CNBD1: variants seen among roughly 807,000 people sequenced by gnomAD.
CNBD1 encodes the protein cyclic nucleotide binding domain containing 1.
CNBD1 carries 71 observed loss-of-function variants against 54.4 expected under a neutral mutation model. The observed-to-expected ratio is 1.30, with a 90% CI of 1.08 to 1.59. The LOEUF (loss-of-function observed/expected upper bound fraction) is 1.59. Ranked by LOEUF, CNBD1 falls within the 40% of genes most tolerant of loss-of-function variation. The pLI, the probability that CNBD1 is intolerant of heterozygous loss-of-function variation, is 0.00. For missense variants in CNBD1, 659 were observed against 518.0 expected (o/e 1.27, Z -2.64); for synonymous variants, 182 against 170.7 (o/e 1.07, Z -0.51).
intron 4 of CNBD1, among the ~76,000 whole-genome samples, chr8:86,989,337 A>ATACT (rs1190314013): frequency 2.0e-5 from 3 of 152,046 alleles, no homozygotes; most frequent in African/African-American, 7.3e-5. Context: ...ACATACATAC[A>ATACT]TAGGTATGCA....
intron 4 of CNBD1, among the ~76,000 whole-genome samples, chr8:87,060,589 T>TTCAA (rs1328059387): frequency 2.0e-5 from 3 of 152,212 alleles, no homozygotes; most frequent in Non-Finnish European, 4.4e-5. Flanking sequence ...AGGCCCATTG[T>TTCAA]ATTGTGAAAG....
At chr8:86,963,078 G>A (rs369543681) in intron 4 of CNBD1, among the ~76,000 whole-genome samples, 71 of 152,210 alleles carry the variant, frequency 4.7e-4, no homozygotes, top group African/African-American at 1.6e-3. Context: ...TCTTCCTAGC[G>A]AATACCCGGG....
chr8:87,261,621 T>C (rs2130849203), intron 6 of CNBD1, among the ~76,000 whole-genome samples: 2 of 152,112 alleles, frequency 1.3e-5, no homozygotes, highest in East Asian at 3.9e-4. Flanking sequence ...ATTTGCCTTA[T>C]TTGAACAGAA....
At chr8:87,020,003 C>A (rs2453446) in intron 4 of CNBD1, among the ~76,000 whole-genome samples, 60,600 of 151,976 alleles carry the variant, frequency 0.4, 12,568 homozygotes, top group East Asian at 0.56. Context: ...TAAGTCTAAT[C>A]AAAAATATAA....
At chr8:87,358,674 C>A (rs1342878499) in intron 10 of CNBD1, among the ~76,000 whole-genome samples, 1 of 152,128 alleles carries the variant, frequency 6.6e-6, no homozygotes, top group Non-Finnish European at 1.5e-5. Context: ...ATGCTTTCAG[C>A]AAGCTGGAGA....
At chr8:87,144,820 CAAAAA>C (rs58385807) in intron 4 of CNBD1, among the ~76,000 whole-genome samples, 1 of 104,300 alleles carries the variant, frequency 9.6e-6, no homozygotes, top group Non-Finnish European at 2.0e-5. Flanking sequence ...AACTATGCCT[CAAAAA>C]AAAAAAAAAA....
intron 4 of CNBD1, among the ~76,000 whole-genome samples, chr8:87,121,488 T>C (rs1811888742): frequency 6.6e-6 from 1 of 151,870 alleles, no homozygotes; most frequent in African/African-American, 2.4e-5. Context: ...AATTGACATA[T>C]TAGTCAACTT....
At chr8:86,937,056 G>A (rs1377591151) in intron 3 of CNBD1, among the ~76,000 whole-genome samples, 3 of 152,180 alleles carry the variant, frequency 2.0e-5, no homozygotes, top group Non-Finnish European at 2.9e-5. Flanking sequence ...ACCTGAGACT[G>A]AGTAATTTAT....
intron 8 of CNBD1, among the ~76,000 whole-genome samples, chr8:87,324,464 A>G (rs1563552688): frequency 6.8e-6 from 1 of 147,174 alleles, no homozygotes; most frequent in Non-Finnish European, 1.5e-5. Context: ...ACTATTGATT[A>G]TTGCCCCAAT....
At chr8:87,024,611 G>A (rs1016191901) in intron 4 of CNBD1, among the ~76,000 whole-genome samples, 7 of 151,988 alleles carry the variant, frequency 4.6e-5, no homozygotes, top group Admixed American at 4.6e-4. Context: ...CAAACTGCTG[G>A]GATTATAGGC....
At chr8:87,287,107 T>C (rs1383117141) in intron 8 of CNBD1, among the ~76,000 whole-genome samples, 2 of 152,128 alleles carry the variant, frequency 1.3e-5, no homozygotes, top group Non-Finnish European at 2.9e-5. Context: ...ATATTAGCCA[T>C]GGAAAAAAAT....
intron 4 of CNBD1, among the ~76,000 whole-genome samples, chr8:87,191,398 G>A (rs527265810): frequency 6.6e-6 from 1 of 152,048 alleles, no homozygotes; most frequent in Non-Finnish European, 1.5e-5. Context: ...CCAAATTGAG[G>A]GTGGGTCTTC....
chr8:86,943,107 G>A (rs995340079), intron 4 of CNBD1, among the ~76,000 whole-genome samples: 1 of 151,556 alleles, frequency 6.6e-6, no homozygotes, highest in Non-Finnish European at 1.5e-5. Flanking sequence ...TGCAGGCTGG[G>A]CGCAGTGGCT....
chr8:87,149,621 A>T (rs141121896), intron 4 of CNBD1, among the ~76,000 whole-genome samples: 4 of 152,212 alleles, frequency 2.6e-5, no homozygotes, highest in Non-Finnish European at 4.4e-5. Context: ...GACTCTCTTG[A>T]GCATATATAA....
chr8:87,078,374 T>G, intron 4 of CNBD1, among the ~76,000 whole-genome samples: 1 of 152,212 alleles, frequency 6.6e-6, no homozygotes, highest in East Asian at 1.9e-4. Flanking sequence ...TGAATGTTGC[T>G]AGTTTTATTT....
intron 8 of CNBD1, among the ~76,000 whole-genome samples, chr8:87,331,587 A>G (rs528508020): frequency 3.3e-5 from 5 of 152,276 alleles, no homozygotes; most frequent in Non-Finnish European, 2.9e-5. Context: ...CAGTAATGGG[A>G]TTGCTGGATC....
At chr8:86,958,295 AGT>A (rs1807832694) in intron 4 of CNBD1, among the ~76,000 whole-genome samples, 3 of 152,174 alleles carry the variant, frequency 2.0e-5, no homozygotes, top group African/African-American at 7.2e-5. Context: ...CTGAGAAAAG[AGT>A]GTATATTCTG....
At chr8:86,894,571 T>G (rs576133644) in intron 2 of CNBD1, among the ~76,000 whole-genome samples, 1 of 152,300 alleles carries the variant, frequency 6.6e-6, no homozygotes, top group South Asian at 2.1e-4. Context: ...TGTTGAACAT[T>G]GCAGGGCTTT....
chr8:86,900,830 G>T (rs947857172), intron 2 of CNBD1, among the ~76,000 whole-genome samples: 3 of 152,028 alleles, frequency 2.0e-5, no homozygotes, highest in African/African-American at 7.2e-5. Context: ...CTCTCTAAGA[G>T]GTTTACATTC....
Sources: gnomAD v4.1 joint callset for allele counts (sites outside exome capture counted in the v4.1 genomes callset) on GRCh38, gnomAD v4.1.1 for gene constraint, MANE v1.5 for transcripts, NCBI Gene and HGNC (gene_info 2026-07-23, HGNC 2026-07-21) for gene names.